The following GPM6A variants were observed in gnomAD, a reference collection of about 807,000 sequenced individuals.
The protein encoded by GPM6A is glycoprotein M6A, also known as neuronal membrane glycoprotein M6-a.
Under a neutral mutation model 32.1 loss-of-function variants are expected in GPM6A, and 7 were observed. That is an observed-to-expected ratio of 0.22 (90% CI 0.12 to 0.41). GPM6A has a LOEUF of 0.41. Among genes scored for constraint, GPM6A ranks in the 10% least tolerant of loss-of-function variants. The pLI, the probability that GPM6A is intolerant of heterozygous loss-of-function variation, is 1.00. For missense variants in GPM6A, 235 were observed against 347.2 expected (o/e 0.68, Z 2.57); for synonymous variants, 130 against 123.4 (o/e 1.05, Z -0.35).
At chr4:175,924,229 G>A (rs1015980411) in intron 1 of GPM6A, among the ~76,000 whole-genome samples, 11 of 152,020 alleles carry the variant, frequency 7.2e-5, no homozygotes, top group African/African-American at 2.4e-4. Context: ...GCTGACGTTC[G>A]CCAAATGAAA....
chr4:175,654,503 A>G (rs1006749977), intron 3 of GPM6A, among the ~76,000 whole-genome samples: 7 of 152,186 alleles, frequency 4.6e-5, no homozygotes, highest in Admixed American at 3.9e-4. Flanking sequence ...CAATGTGATT[A>G]CTACTCTTGC....
intron 1 of GPM6A, among the ~76,000 whole-genome samples, chr4:175,755,141 A>T (rs62336045): frequency 2.5e-4 from 38 of 152,172 alleles, no homozygotes; most frequent in Non-Finnish European, 4.9e-4. Context: ...CACTTGTATC[A>T]TAACAACATA....
intron 1 of GPM6A, among the ~76,000 whole-genome samples, chr4:175,728,429 T>C (rs1009385990): frequency 1.3e-5 from 2 of 152,214 alleles, no homozygotes; most frequent in South Asian, 2.1e-4. Flanking sequence ...TACATGATTT[T>C]GTTTTCCAAC....
intron 4 of GPM6A, among the ~76,000 whole-genome samples, chr4:175,644,699 C>T (rs1741353020): frequency 6.6e-6 from 1 of 151,916 alleles, no homozygotes; most frequent in African/African-American, 2.4e-5. Context: ...AAATTTATAT[C>T]AATTTTTCTA....
At chr4:175,972,263 C>T (rs1350158327) in intron 1 of GPM6A, among the ~76,000 whole-genome samples, 1 of 152,030 alleles carries the variant, frequency 6.6e-6, no homozygotes. Flanking sequence ...AAGAAGAATA[C>T]AATATTCCAG....
intron 1 of GPM6A, among the ~76,000 whole-genome samples, chr4:175,896,609 T>A (rs1357825982): frequency 6.6e-6 from 1 of 152,166 alleles, no homozygotes; most frequent in Non-Finnish European, 1.5e-5. Context: ...CCAAAAGGCT[T>A]CTGTTTCTGT....
At chr4:175,638,298 T>C (rs1740933077) in intron 6 of GPM6A, among the ~76,000 whole-genome samples, 1 of 151,942 alleles carries the variant, frequency 6.6e-6, no homozygotes, top group Non-Finnish European at 1.5e-5. Context: ...GTAGTTATAT[T>C]TTACCTGTCT....
rs530811229 is a variant in GPM6A at position 175,713,218 on chromosome 4, T to C, written c.38-11451A>G. 2.0e-5 allele frequency among the ~76,000 whole-genome samples: 3 copies of C among 152,248 alleles called. No individual in the cohort carries two copies. The South Asian group carries it at 6.2e-4, about 32-fold the overall frequency. On this transcript the variant is annotated intron_variant, in intron 1 of 6. Transcript: ENST00000393658. ...ATTTTTATTTTTATTTTTATTTTTA[T>C]TTAAGAGGGAGTCTCACTCTGTCGC... is the stretch of plus-strand genomic sequence containing the variant.
chr4:175,778,614 A>G (rs1160182246), intron 1 of GPM6A, among the ~76,000 whole-genome samples: 1 of 128,958 alleles, frequency 7.8e-6, no homozygotes, highest in Admixed American at 9.1e-5. Context: ...ACAGAGCAAG[A>G]CTCTGTATCC....
intron 1 of GPM6A, among the ~76,000 whole-genome samples, chr4:175,983,410 T>C (rs946003578): frequency 7.9e-5 from 12 of 152,208 alleles, no homozygotes; most frequent in African/African-American, 2.9e-4. Context: ...AAATTCCATC[T>C]CCCTCTGTGA....
intron 1 of GPM6A, among the ~76,000 whole-genome samples, chr4:175,956,987 T>C (rs773142200): frequency 6.6e-6 from 1 of 152,190 alleles, no homozygotes. Flanking sequence ...ATATTCTCTA[T>C]CAAAATACAG....
At chr4:175,773,299 A>T (rs892802364) in intron 1 of GPM6A, among the ~76,000 whole-genome samples, 4 of 152,218 alleles carry the variant, frequency 2.6e-5, no homozygotes, top group African/African-American at 9.6e-5. Context: ...AAAAATCTCT[A>T]TTCTTATATA....
intron 1 of GPM6A, among the ~76,000 whole-genome samples, chr4:175,951,973 C>T (rs1296053267): frequency 6.6e-6 from 1 of 152,260 alleles, no homozygotes; most frequent in Non-Finnish European, 1.5e-5. Context: ...TTGCAGCCTG[C>T]TGGCAGCCAT....
intron 6 of GPM6A, among the ~76,000 whole-genome samples, chr4:175,637,901 A>G (rs1740904627): frequency 7.8e-6 from 1 of 128,960 alleles, no homozygotes. Context: ...ATATATATAT[A>G]CATATATGCA....
rs1731764410 is a variant in GPM6A at position 175,738,767 on chromosome 4, A to G, written c.38-37000T>C. ...AAGGAACAATGTGTTCATACTGTAA[A>G]CAATTTAATGTGCAGATAATTTGAT... is the stretch of plus-strand genomic sequence containing the variant. On this transcript the variant is annotated intron_variant, in intron 1 of 6. Coordinates refer to ENST00000393658, the MANE Select transcript of GPM6A (RefSeq NM_201591.3). Among the ~76,000 whole-genome samples, 3 of 152,336 alleles carry G rather than the reference A, an allele frequency of 2.0e-5. No individual in the cohort carries two copies. The South Asian group carries it at 6.2e-4, about 32-fold the overall frequency.
At chr4:175,865,486 G>C (rs1259674834) in intron 1 of GPM6A, among the ~76,000 whole-genome samples, 1 of 152,076 alleles carries the variant, frequency 6.6e-6, no homozygotes, top group Non-Finnish European at 1.5e-5. Context: ...GTTCTTGATT[G>C]GTATTTCATT....
intron 1 of GPM6A, among the ~76,000 whole-genome samples, chr4:175,923,215 TTATA>T (rs201557656): frequency 0.032 from 845 of 26,720 alleles, 9 homozygotes; most frequent in African/African-American, 0.06. Flanking sequence ...ATAACATGAT[TTATA>T]TATATATATA....
At chr4:175,954,158 G>T (rs1284647240) in intron 1 of GPM6A, among the ~76,000 whole-genome samples, 2 of 152,138 alleles carry the variant, frequency 1.3e-5, no homozygotes, top group Admixed American at 6.5e-5. Flanking sequence ...GTCACATGTG[G>T]CTATTTCAAT....
Position 175,847,333 on chromosome 4 carries a change from G to GCAGT in GPM6A, c.-22-35088_-22-35085dup, listed in dbSNP as rs1429753877. ...CTCTTTCTGTGACCCAGGGTCAACC[G>GCAGT]CAGTCCAAAAATATTAAATGGAAAA... On this transcript the variant is annotated intron_variant, in intron 1 of 7. Transcript: ENST00000280187. Among the ~76,000 whole-genome samples the GCAGT allele has an allele frequency of 2.0e-5, 3 of 152,184 alleles. No homozygotes were observed. The East Asian group carries it at 5.8e-4, about 29-fold the overall frequency.
Sources: allele counts gnomAD v4.1 joint callset (sites outside exome capture counted in the v4.1 genomes callset), GRCh38; gene constraint gnomAD v4.1.1; transcripts MANE v1.5; gene names NCBI Gene and HGNC (gene_info 2026-07-23, HGNC 2026-07-21).